LIMCH1: variants seen among roughly 807,000 people sequenced by gnomAD.
LIMCH1 encodes the protein LIM and calponin homology domains-containing protein 1.
A neutral mutation model predicts 176.5 loss-of-function variants in LIMCH1; 113 were observed. The ratio of observed to expected loss-of-function variants is 0.64; its 90% CI spans 0.55 to 0.75. The LOEUF is 0.75. Among genes scored for constraint, LIMCH1 ranks in the 30% least tolerant of loss-of-function variants. The probability of loss-of-function intolerance (pLI) is 0.00; values close to 1 mark genes in which losing one functional copy is unlikely to be tolerated. For missense variants in LIMCH1, 1,674 were observed against 1,814.9 expected, an observed-to-expected ratio of 0.92 and a Z score of 1.41; for synonymous variants, 619 against 645.9, an observed-to-expected ratio of 0.96 and a Z score of 0.63.
At chr4:41,376,938 G>C (rs1196621070) in intron 1 of LIMCH1, among the ~76,000 whole-genome samples, 1 of 152,126 alleles carries the variant, frequency 6.6e-6, no homozygotes, top group Non-Finnish European at 1.5e-5. Flanking sequence ...AATTATAAAA[G>C]GGTGAATTTG....
intron 1 of LIMCH1, among the ~76,000 whole-genome samples, chr4:41,442,855 A>G (rs971936435): frequency 6.6e-6 from 1 of 152,210 alleles, no homozygotes; most frequent in Non-Finnish European, 1.5e-5. Flanking sequence ...AGGGTAAACA[A>G]TAATTGCTGG....
intron 1 of LIMCH1, among the ~76,000 whole-genome samples, chr4:41,474,856 G>A (rs1055458628): frequency 4.6e-5 from 7 of 152,166 alleles, no homozygotes; most frequent in African/African-American, 9.7e-5. Flanking sequence ...TCAGTGTGTC[G>A]AAGAGATGTC....
intron 5 of LIMCH1, among the ~76,000 whole-genome samples, chr4:41,616,086 C>G (rs1057240108): frequency 1.3e-5 from 2 of 152,024 alleles, no homozygotes; most frequent in African/African-American, 4.8e-5. Context: ...AACCCTCTAC[C>G]CAGATGTTTT....
intron 2 of LIMCH1, among the ~76,000 whole-genome samples, chr4:41,506,298 G>A (rs1244795698): frequency 6.6e-6 from 1 of 152,178 alleles, no homozygotes; most frequent in Non-Finnish European, 1.5e-5. Context: ...AAGGAGGTCT[G>A]GCCTTAGATT....
chr4:41,632,979 A>G lies in LIMCH1; in HGVS notation c.1723A>G (p.Thr575Ala), dbSNP rs973835891. ...GECPRGTEEV[T>A]SKQLPQDGKE... ...GAAACTGTCCTCTCTGGCTTTAGTT[A>G]CATCCAAACAGCTGCCACAGGATGG... Residue 575 changes from threonine (T) to alanine (A), a missense_variant and splice_region_variant, in exon 12 of 32, where the codon ACA (threonine) becomes GCA (alanine). Thr to Ala is a moderately conservative substitution (Grantham distance 58). Around this residue, in one of 3 missense-constraint regions of LIMCH1, gnomAD observed 1,015 missense variants for 1,102.5 expected, o/e 0.92. Transcript: ENST00000503057. 6 of 1,535,712 alleles carry G rather than the reference A, an allele frequency of 3.9e-6. No homozygotes were observed. The highest frequency in any genetic ancestry group is 1.4e-5 in the African/African-American group (1 of 73,012).
chr4:41,645,411 C>T (rs753622469), intron 15 of LIMCH1, among the ~76,000 whole-genome samples: 2 of 152,186 alleles, frequency 1.3e-5, no homozygotes, highest in Non-Finnish European at 2.9e-5. Flanking sequence ...TCTATTTTCA[C>T]ATTTAACCCT....
At position 41,460,455 on chromosome 4, in the gene LIMCH1, C is replaced by T. The variant is rs956054441; in HGVS notation, c.97-34081C>T. On this transcript the variant is annotated intron_variant, in intron 1 of 26. Transcript: ENST00000313860. ...GGTAAATTTGTTCCACTATAGTAATCATCTATATATATATATATATATATC... is the reference window on the plus strand; with the variant it reads ...GGTAAATTTGTTCCACTATAGTAATTATCTATATATATATATATATATATC... Among the ~76,000 whole-genome samples the T allele has an allele frequency of 2.9e-4, 27 of 92,156 alleles. 1 individual carries two copies. Among genetic ancestry groups the T allele is most frequent in the East Asian group, 1.3e-3 (5 of 3,732 alleles). 60.5% of individuals were successfully genotyped at this position (92,156 alleles called of 152,430 possible).
At chr4:41,520,838 C>T (rs755435857) in intron 2 of LIMCH1, among the ~76,000 whole-genome samples, 25 of 152,092 alleles carry the variant, frequency 1.6e-4, no homozygotes, top group Non-Finnish European at 2.9e-4. Context: ...CCAGAAAATT[C>T]ATCTTTTGAT....
At chr4:41,453,375 A>G (rs781563295) in intron 1 of LIMCH1, among the ~76,000 whole-genome samples, 4 of 152,362 alleles carry the variant, frequency 2.6e-5, no homozygotes, top group Middle Eastern at 6.8e-3. Context: ...CAGAAGCCTT[A>G]CTGATAACAT....
At chr4:41,506,768 T>A (rs2074219517) in intron 2 of LIMCH1, among the ~76,000 whole-genome samples, 1 of 152,242 alleles carries the variant, frequency 6.6e-6, no homozygotes, top group Non-Finnish European at 1.5e-5. Context: ...CTTTATACTT[T>A]CATAACACTC....
At chr4:41,609,382 GA>G (rs1236967398) in intron 4 of LIMCH1, among the ~76,000 whole-genome samples, 1 of 152,042 alleles carries the variant, frequency 6.6e-6, no homozygotes, top group East Asian at 1.9e-4. Flanking sequence ...TTGTGAACTA[GA>G]ACAGTGCCTG....
At chr4:41,622,601 T>C (rs2092664437) in intron 7 of LIMCH1, among the ~76,000 whole-genome samples, 1 of 152,128 alleles carries the variant, frequency 6.6e-6, no homozygotes, top group Non-Finnish European at 1.5e-5. Context: ...GGCTGGGAAG[T>C]CCATACACGT....
chr4:41,682,763 A>T (rs965150716), intron 26 of LIMCH1, among the ~76,000 whole-genome samples: 2 of 145,986 alleles, frequency 1.4e-5, no homozygotes. Flanking sequence ...TGCAACTGCT[A>T]CCTCCCAGGT....
At chr4:41,373,055 C>T (rs1199199814) in intron 1 of LIMCH1, among the ~76,000 whole-genome samples, 1 of 152,156 alleles carries the variant, frequency 6.6e-6, no homozygotes, top group Non-Finnish European at 1.5e-5. Flanking sequence ...TTCCATTCCA[C>T]CTGGAAGGAT....
chr4:41,410,959 T>C (rs533838765), intron 1 of LIMCH1, among the ~76,000 whole-genome samples: 1 of 152,352 alleles, frequency 6.6e-6, no homozygotes, highest in African/African-American at 2.4e-5. Context: ...ATTGTCTTGC[T>C]GTTTGTAGAG....
intron 1 of LIMCH1, among the ~76,000 whole-genome samples, chr4:41,540,428 G>C (rs1276484129): frequency 1.3e-5 from 2 of 152,174 alleles, no homozygotes; most frequent in Non-Finnish European, 2.9e-5. Context: ...CCTGTAGAGA[G>C]AATAATTTGA....
chr4:41,362,123 C>A lies in LIMCH1; in HGVS notation c.96+1187C>A, dbSNP rs370337818. ...CCTGCTGAGCTTCCTGCAGAAACCA[C>A]CCTCACTTAATGCTGCTCTCCTGCT... On this transcript the variant is annotated intron_variant, in intron 1 of 26. Transcript: ENST00000313860. Among the ~76,000 whole-genome samples, 12 of 152,318 alleles carry A rather than the reference C, an allele frequency of 7.9e-5. No individual in the cohort carries two copies. The East Asian group carries it at 2.1e-3, about 27-fold the overall frequency.
intron 1 of LIMCH1, among the ~76,000 whole-genome samples, chr4:41,482,365 G>T (rs1172410925): frequency 6.6e-6 from 1 of 152,144 alleles, no homozygotes; most frequent in African/African-American, 2.4e-5. Context: ...GCGAAGAGAG[G>T]AGAAAAACGC....
At chr4:41,549,915 G>A (rs2080146439) in intron 1 of LIMCH1, among the ~76,000 whole-genome samples, 1 of 151,980 alleles carries the variant, frequency 6.6e-6, no homozygotes, top group South Asian at 2.1e-4. Context: ...GTTTAATCTA[G>A]TTTCTGTCGG....
Sources: allele counts gnomAD v4.1 joint callset (sites outside exome capture counted in the v4.1 genomes callset), GRCh38; gene constraint gnomAD v4.1.1; regional missense constraint gnomAD v4.1.1; transcripts MANE v1.5; gene names NCBI Gene and HGNC (gene_info 2026-07-23, HGNC 2026-07-21).